The following LHFPL3 variants were observed in gnomAD, a reference collection of about 807,000 sequenced individuals.
LHFPL3 encodes LHFPL tetraspan subfamily member 3 protein.
A neutral mutation model predicts 19.3 loss-of-function variants in LHFPL3; 5 were observed. That is an observed-to-expected ratio of 0.26 (90% CI 0.14 to 0.54). The LOEUF (loss-of-function observed/expected upper bound fraction) is 0.54. Among genes scored for constraint, LHFPL3 ranks in the 20% least tolerant of loss-of-function variants. The pLI is 0.94. For missense variants in LHFPL3, 249 were observed against 307.4 expected (o/e 0.81, Z 1.42); for synonymous variants, 133 against 126.2 (o/e 1.05, Z -0.36).
At chr7:104,548,090 GT>G (rs1396560553) in intron 1 of LHFPL3, among the ~76,000 whole-genome samples, 2 of 152,008 alleles carry the variant, frequency 1.3e-5, no homozygotes, top group Non-Finnish European at 2.9e-5. Flanking sequence ...CATTTTTAAA[GT>G]GTTATCTTAT....
chr7:104,561,102 G>C (rs975269489), intron 1 of LHFPL3, among the ~76,000 whole-genome samples: 18 of 152,148 alleles, frequency 1.2e-4, no homozygotes, highest in South Asian at 8.3e-4. Flanking sequence ...TTACTTCCCA[G>C]TATGTGGTCA....
chr7:104,520,087 C>T (rs377411331), intron 1 of LHFPL3, among the ~76,000 whole-genome samples: 16 of 151,686 alleles, frequency 1.1e-4, no homozygotes, highest in African/African-American at 3.9e-4. Context: ...GTGGGTTTGT[C>T]ATAGATAGCT....
intron 1 of LHFPL3, among the ~76,000 whole-genome samples, chr7:104,438,880 A>T (rs930547363): frequency 4.6e-5 from 7 of 152,158 alleles, no homozygotes; most frequent in Admixed American, 4.6e-4. Context: ...GACAATATAT[A>T]CTACCAACAT....
intron 1 of LHFPL3, among the ~76,000 whole-genome samples, chr7:104,701,898 G>A (rs1793110864): frequency 6.6e-6 from 1 of 151,930 alleles, no homozygotes; most frequent in South Asian, 2.1e-4. Context: ...TTAAGTTCTG[G>A]GATACATGTG....
intron 1 of LHFPL3, among the ~76,000 whole-genome samples, chr7:104,655,113 T>G (rs1205759597): frequency 1.3e-5 from 2 of 152,244 alleles, no homozygotes; most frequent in Non-Finnish European, 2.9e-5. Context: ...CTATTAGCTC[T>G]GTACTATGTA....
chr7:104,871,129 C>A (rs7781864), intron 2 of LHFPL3, among the ~76,000 whole-genome samples: 18,089 of 152,142 alleles, frequency 0.12, 2,272 homozygotes, highest in East Asian at 0.43. Flanking sequence ...GAGATTTCAT[C>A]GTTGTGTGAA....
intron 1 of LHFPL3, among the ~76,000 whole-genome samples, chr7:104,371,353 G>A (rs1790611282): frequency 6.6e-6 from 1 of 152,172 alleles, no homozygotes; most frequent in African/African-American, 2.4e-5. Context: ...TGTTACCCAT[G>A]AAAAGTGTTA....
chr7:104,828,000 C>T (rs780933304), intron 2 of LHFPL3, among the ~76,000 whole-genome samples: 9 of 151,924 alleles, frequency 5.9e-5, no homozygotes, highest in Non-Finnish European at 8.8e-5. Context: ...ACAGTATTGT[C>T]ACAAGTCCTG....
At chr7:104,429,485 G>T (rs6958177) in intron 1 of LHFPL3, among the ~76,000 whole-genome samples, 48,579 of 138,584 alleles carry the variant, frequency 0.35, 8,577 homozygotes, top group African/African-American at 0.53. Context: ...TTTTTGTTTT[G>T]TTTTTTTTTT....
At chr7:104,461,111 C>A (rs571009312) in intron 1 of LHFPL3, among the ~76,000 whole-genome samples, 10 of 152,294 alleles carry the variant, frequency 6.6e-5, no homozygotes, top group South Asian at 4.1e-4. Context: ...AGGAAACTTA[C>A]AATCATGGTG....
At chr7:104,518,068 G>C (rs1793956976) in intron 1 of LHFPL3, among the ~76,000 whole-genome samples, 1 of 151,976 alleles carries the variant, frequency 6.6e-6, no homozygotes, top group Non-Finnish European at 1.5e-5. Flanking sequence ...GTCATCCTAG[G>C]AATAAGTAGT....
chr7:104,741,238 T>C (rs1043344243), intron 2 of LHFPL3, among the ~76,000 whole-genome samples: 26 of 152,206 alleles, frequency 1.7e-4, no homozygotes, highest in African/African-American at 5.1e-4. Flanking sequence ...TTCCACGAGA[T>C]CATTTGAAAG....
intron 1 of LHFPL3, among the ~76,000 whole-genome samples, chr7:104,482,802 C>G (rs1793161541): frequency 6.6e-6 from 1 of 152,222 alleles, no homozygotes; most frequent in Non-Finnish European, 1.5e-5. Context: ...GGTGTTCTCC[C>G]TCTTGACTGG....
intron 1 of LHFPL3, among the ~76,000 whole-genome samples, chr7:104,371,103 G>T (rs1402580949): frequency 6.6e-6 from 1 of 152,048 alleles, no homozygotes; most frequent in East Asian, 1.9e-4. Flanking sequence ...GATCTCCTGT[G>T]GTCCTGTGGT....
At chr7:104,384,271 A>G (rs1019446374) in intron 1 of LHFPL3, among the ~76,000 whole-genome samples, 1 of 152,216 alleles carries the variant, frequency 6.6e-6, no homozygotes, top group African/African-American at 2.4e-5. Context: ...ATAAAAGACT[A>G]GACAGACAGC....
intron 1 of LHFPL3, among the ~76,000 whole-genome samples, chr7:104,446,701 G>T (rs1468390510): frequency 1.3e-5 from 2 of 152,036 alleles, no homozygotes; most frequent in Non-Finnish European, 2.9e-5. Flanking sequence ...TCAGCCTCCT[G>T]AGTAGCTGAG....
At chr7:104,352,930 G>A (rs552621224) in intron 1 of LHFPL3, among the ~76,000 whole-genome samples, 3 of 152,138 alleles carry the variant, frequency 2.0e-5, no homozygotes, top group Admixed American at 6.5e-5. Context: ...TCGAAAGTTG[G>A]CAGCTGAGAT....
chr7:104,523,435 T>C (rs79659676), intron 1 of LHFPL3, among the ~76,000 whole-genome samples: 4,785 of 152,258 alleles, frequency 0.031, 216 homozygotes, highest in African/African-American at 0.11. Context: ...TCCCTTTACA[T>C]CTGTATCATA....
intron 1 of LHFPL3, among the ~76,000 whole-genome samples, chr7:104,583,876 C>A (rs906911641): frequency 3.3e-5 from 5 of 151,554 alleles, no homozygotes; most frequent in Admixed American, 1.3e-4. Flanking sequence ...TAAACTAGTT[C>A]AACCATTGTG....
Sources: gnomAD v4.1 joint callset for allele counts (sites outside exome capture counted in the v4.1 genomes callset) on GRCh38, gnomAD v4.1.1 for gene constraint, MANE v1.5 for transcripts, NCBI Gene and HGNC (gene_info 2026-07-23, HGNC 2026-07-21) for gene names.